DENND4C: variants seen among roughly 807,000 people sequenced by gnomAD.
The protein encoded by DENND4C is DENN domain-containing protein 4C.
In DENND4C, 108 loss-of-function variants were observed where a neutral mutation model predicts 203.0. The observed-to-expected ratio is 0.53, with a 90% confidence interval of 0.46 to 0.62. The LOEUF is 0.62. Among genes scored for constraint, DENND4C ranks in the 20% least tolerant of loss-of-function variants. The probability of loss-of-function intolerance (pLI) is 0.00; values close to 1 mark genes in which losing one functional copy is unlikely to be tolerated. For synonymous variants in DENND4C, 871 were observed against 792.4 expected (o/e 1.10, Z -1.67); for missense variants, 2,481 against 2,301.2 (o/e 1.08, Z -1.60).
At chr9:19,350,942 T>C in intron 24 of DENND4C, 63 bp downstream of exon 24, 2 of 1,477,614 alleles carry the variant, frequency 1.4e-6, no homozygotes, top group South Asian at 2.7e-5. Flanking sequence ...TTTTTTTTAA[T>C]TTAAGAGACG....
chr9:19,254,467 T>C (rs1827435531), intron 1 of DENND4C, among the ~76,000 whole-genome samples: 1 of 152,184 alleles, frequency 6.6e-6, no homozygotes, highest in Non-Finnish European at 1.5e-5. Flanking sequence ...GATATTATGC[T>C]AAGTGAAATA....
chr9:19,283,139 A>G (rs769129011), intron 2 of DENND4C, among the ~76,000 whole-genome samples: 1 of 151,672 alleles, frequency 6.6e-6, no homozygotes, highest in African/African-American at 2.4e-5. Flanking sequence ...TGCTGGGATT[A>G]TAGATATGAA....
At chr9:19,357,264 A>G in intron 27 of DENND4C, 110 bp downstream of exon 27, 1 of 1,037,512 alleles carries the variant, frequency 9.6e-7, no homozygotes, top group South Asian at 1.5e-5. Context: ...CTGGCATTTA[A>G]GAGTACATCT....
chr9:19,282,994 C>G (rs1178547263), intron 2 of DENND4C, among the ~76,000 whole-genome samples: 1 of 151,982 alleles, frequency 6.6e-6, no homozygotes, highest in Non-Finnish European at 1.5e-5. Flanking sequence ...GCTGGAATTA[C>G]AGGCGTGAGC....
rs745655243 is a variant in DENND4C at position 19,296,027 on chromosome 9, A to T, written c.821A>T (p.Gln274Leu). 5 of 1,613,834 alleles carry T rather than the reference A, an allele frequency of 3.1e-6. No homozygotes were observed. The East Asian group carries it at 1.1e-4, about 36-fold the overall frequency. Residue 274 changes from glutamine (Q) to leucine (L), a missense_variant, in exon 6 of 33, where the codon CAG (glutamine) becomes CTG (leucine). This residue lies in a region of DENND4C where 2,289 missense variants were observed against 2,113.3 expected (regional missense o/e 1.08). Coordinates refer to ENST00000434457, the MANE Select transcript of DENND4C (RefSeq NM_001330640.2). ...SAKKVYGAAIQFYEPYSRELL... is the reference protein window; with the variant it reads ...SAKKVYGAAILFYEPYSRELL... Reference sequence around the variant, plus strand: ...CTTTAGGTATATGGAGCTGCCATTCAGTTTTATGAACCTTACTCTCGGGAA... The same window carrying T: ...CTTTAGGTATATGGAGCTGCCATTCTGTTTTATGAACCTTACTCTCGGGAA...
intron 1 of DENND4C, among the ~76,000 whole-genome samples, chr9:19,265,600 C>T (rs531953000): frequency 3.3e-5 from 5 of 152,236 alleles, no homozygotes; most frequent in African/African-American, 1.2e-4. Context: ...CTATCCACCC[C>T]TCCTCCCCCT....
At chr9:19,321,652 C>T (rs1842896922) in intron 12 of DENND4C, among the ~76,000 whole-genome samples, 1 of 151,704 alleles carries the variant, frequency 6.6e-6, no homozygotes, top group Non-Finnish European at 1.5e-5. Flanking sequence ...TGAGATCAGC[C>T]TGGCAAACAT....
chr9:19,323,188 A>G (rs927973525), intron 12 of DENND4C, among the ~76,000 whole-genome samples: 4 of 152,188 alleles, frequency 2.6e-5, no homozygotes, highest in Non-Finnish European at 4.4e-5. Context: ...TAATCCCAGA[A>G]CTTTGGGAGG....
At chr9:19,263,904 C>G (rs1829953789) in intron 1 of DENND4C, among the ~76,000 whole-genome samples, 1 of 152,050 alleles carries the variant, frequency 6.6e-6, no homozygotes, top group Non-Finnish European at 1.5e-5. Flanking sequence ...AGGTGATCTG[C>G]CCGCCTTGGC....
rs761175573 is a variant in DENND4C at position 19,360,429 on chromosome 9, C to A, written c.5346C>A (p.Asp1782Glu). 5.0e-6 allele frequency: 8 copies of A among 1,614,094 alleles called. No individual in the cohort carries two copies. The highest frequency in any genetic ancestry group is 6.8e-6 in the Non-Finnish European group (8 of 1,180,006). Residue 1782 changes from aspartate (D) to glutamate (E), a missense_variant, in exon 29 of 33, where the codon GAC (aspartate) becomes GAA (glutamate). Physicochemically the swap from Asp to Glu is conservative, Grantham distance 45 (BLOSUM62 2). Transcript: ENST00000434457. ...TCGTTTGGTATTTCAGACGTTTGGACCTTCCTAGTAACTTGCCAGGACTTA... is the reference window on the plus strand; with the variant it reads ...TCGTTTGGTATTTCAGACGTTTGGAACTTCCTAGTAACTTGCCAGGACTTA... ...WNLVWYFRRL[D>E]LPSNLPGLIL...
chr9:19,362,292 CAA>C (rs1187933058), intron 30 of DENND4C, among the ~76,000 whole-genome samples: 3 of 151,886 alleles, frequency 2.0e-5, no homozygotes, highest in Non-Finnish European at 4.4e-5. Flanking sequence ...CAAAACAAAA[CAA>C]AGAGTTAAAG....
intron 20 of DENND4C, among the ~76,000 whole-genome samples, chr9:19,338,445 A>G (rs767912768): frequency 3.3e-5 from 5 of 152,120 alleles, no homozygotes; most frequent in Non-Finnish European, 5.9e-5. Flanking sequence ...AAAGACTTCA[A>G]TAGTTGGGCA....
chr9:19,296,034 T>C lies in DENND4C; in HGVS notation c.828T>C (p.Tyr276=). The C allele has an allele frequency of 1.9e-6, 3 of 1,614,096 alleles. No individual in the cohort carries two copies. The highest frequency in any genetic ancestry group is 2.2e-5 in the South Asian group (2 of 91,084). The stretch of plus-strand genomic sequence containing the variant: ...TATATGGAGCTGCCATTCAGTTTTA[T>C]GAACCTTACTCTCGGGAACTTCTAT... ...KKVYGAAIQF[Y]EPYSRELLSE... Residue 276 remains tyrosine (Y), a synonymous_variant, in exon 6 of 33, where the codon TAT becomes TAC. Coordinates refer to ENST00000434457, the MANE Select transcript of DENND4C (RefSeq NM_001330640.2).
chr9:19,245,935 AT>A (rs1825133688), intron 1 of DENND4C, among the ~76,000 whole-genome samples: 1 of 138,984 alleles, frequency 7.2e-6, no homozygotes, highest in Admixed American at 7.8e-5. Flanking sequence ...CCAGTACCCT[AT>A]TTTGATATTT....
chr9:19,351,745 T>C (rs1248423324), intron 24 of DENND4C, among the ~76,000 whole-genome samples: 2 of 150,358 alleles, frequency 1.3e-5, no homozygotes, highest in East Asian at 1.9e-4. Flanking sequence ...AGGCAGAGGT[T>C]GCAGTGAGCC....
intron 16 of DENND4C, among the ~76,000 whole-genome samples, chr9:19,328,685 AT>A (rs1818411201): frequency 6.9e-6 from 1 of 144,968 alleles, no homozygotes; most frequent in Non-Finnish European, 1.5e-5. Context: ...CTATCTATCT[AT>A]CTATCTATCT....
In DENND4C at chr9:19,366,697, A is replaced by G. The variant is rs192515987; in HGVS notation, c.5525-3140A>G. Among the ~76,000 whole-genome samples, 5 of 152,346 alleles carry G rather than the reference A, an allele frequency of 3.3e-5. No homozygotes were observed. The East Asian group carries it at 9.6e-4, about 29-fold the overall frequency. On this transcript the variant is annotated intron_variant, in intron 30 of 32. Coordinates refer to ENST00000434457, the MANE Select transcript of DENND4C (RefSeq NM_001330640.2). Reference sequence around the variant, plus strand: ...ATACTTCCTCAAATCATACATAGAAATGAACTAAAAATGGGTCATAAACCT... The same window carrying G: ...ATACTTCCTCAAATCATACATAGAAGTGAACTAAAAATGGGTCATAAACCT...
At chr9:19,291,680 A>G (rs10117502) in intron 5 of DENND4C, among the ~76,000 whole-genome samples, 141,759 of 150,268 alleles carry the variant, frequency 0.94, 66,935 homozygotes, top group East Asian at 1. Context: ...ACTCCAGCCT[A>G]GGCTACAGAG....
chr9:19,262,074 T>A (rs1293575251), intron 1 of DENND4C, among the ~76,000 whole-genome samples: 2 of 113,420 alleles, frequency 1.8e-5, no homozygotes, highest in Non-Finnish European at 3.6e-5. Context: ...AATTTATTAG[T>A]TCTTTTTTTT....
Sources: allele counts gnomAD v4.1 joint callset (sites outside exome capture counted in the v4.1 genomes callset), GRCh38; gene constraint gnomAD v4.1.1; regional missense constraint gnomAD v4.1.1; transcripts MANE v1.5; gene names NCBI Gene and HGNC (gene_info 2026-07-23, HGNC 2026-07-21).